The following NSUN4 variants were observed in gnomAD, a reference collection of about 807,000 sequenced individuals.
The protein encoded by NSUN4 is 5-cytosine rRNA methyltransferase NSUN4.
NSUN4 carries 31 observed loss-of-function variants against 43.8 expected under a neutral mutation model. The observed-to-expected ratio is 0.71, with a 90% CI of 0.53 to 0.96. NSUN4 has a LOEUF of 0.96. Among genes scored for constraint, NSUN4 ranks in the 40% least tolerant of loss-of-function variants. NSUN4 has a pLI of 0.00. For synonymous variants in NSUN4, 167 were observed against 184.1 expected, an observed-to-expected ratio of 0.91 and a Z score of 0.75; for missense variants, 439 against 475.6, an observed-to-expected ratio of 0.92 and a Z score of 0.72.
chr1:46,383,453 T>G, the NSUN4 span, among the ~76,000 whole-genome samples: 43 of 146,904 alleles, frequency 2.9e-4, no homozygotes, highest in African/African-American at 1.1e-3. Context: ...CTGGTGTTTT[T>G]TTTTTTTTTT....
chr1:46,366,806 C>A (rs1304554375), downstream of NSUN4, among the ~76,000 whole-genome samples: 1 of 151,300 alleles, frequency 6.6e-6, no homozygotes, highest in Non-Finnish European at 1.5e-5. Flanking sequence ...ATTGAGAGAC[C>A]TGGAAGCTTA....
At chr1:46,374,850 T>C in the NSUN4 span, among the ~76,000 whole-genome samples, 1 of 151,014 alleles carries the variant, frequency 6.6e-6, no homozygotes. Context: ...ATCATGCCAC[T>C]ATACTCCAGC....
the NSUN4 span, among the ~76,000 whole-genome samples, chr1:46,383,483 T>G: frequency 7.5e-6 from 1 of 133,986 alleles, no homozygotes; most frequent in East Asian, 2.1e-4. Flanking sequence ...CGAGATGGAG[T>G]CTCGCTCTGT....
the NSUN4 span, among the ~76,000 whole-genome samples, chr1:46,382,440 C>T: frequency 1.3e-5 from 2 of 152,178 alleles, no homozygotes; most frequent in Admixed American, 6.5e-5. Flanking sequence ...CTCTGGCTTC[C>T]GGCTTCCCAG....
At chr1:46,376,239 C>G in the NSUN4 span, among the ~76,000 whole-genome samples, 52 of 150,776 alleles carry the variant, frequency 3.4e-4, no homozygotes, top group Non-Finnish European at 7.1e-4. Flanking sequence ...GAAACTCCGT[C>G]TCTACTAAAA....
At chr1:46,383,549 G>A in the NSUN4 span, among the ~76,000 whole-genome samples, 2 of 146,040 alleles carry the variant, frequency 1.4e-5, no homozygotes, top group Non-Finnish European at 1.5e-5. Flanking sequence ...TCCGCCTCCC[G>A]GGTTCACGCC....
chr1:46,345,339 A>G (rs1027737876), intron 2 of NSUN4, 195 bp downstream of exon 2: 1 of 540,598 alleles, frequency 1.8e-6, no homozygotes, highest in Non-Finnish European at 3.3e-6. Flanking sequence ...CTTATGAAGT[A>G]GGTAATATTA....
intron 1 of NSUN4, chr1:46,341,430 C>T: frequency 9.9e-7 from 1 of 1,008,034 alleles, no homozygotes; most frequent in Non-Finnish European, 1.2e-6. Flanking sequence ...CCTCGAGCTG[C>T]CTCTGGCGAC....
At chr1:46,383,251 G>C in the NSUN4 span, among the ~76,000 whole-genome samples, 2 of 152,196 alleles carry the variant, frequency 1.3e-5, no homozygotes, top group Non-Finnish European at 2.9e-5. Flanking sequence ...GGAGGGGCAG[G>C]GGGTGGACGC....
the NSUN4 span, among the ~76,000 whole-genome samples, chr1:46,382,998 G>A: frequency 6.6e-6 from 1 of 152,224 alleles, no homozygotes; most frequent in Non-Finnish European, 1.5e-5. Flanking sequence ...GAACCTGTGT[G>A]TGTGTGTCTG....
intron 4 of NSUN4, among the ~76,000 whole-genome samples, chr1:46,356,463 C>T (rs1047003556): frequency 4.6e-5 from 7 of 152,118 alleles, no homozygotes; most frequent in Non-Finnish European, 1.0e-4. Flanking sequence ...GAGGCCAAGG[C>T]GGGCGGATCA....
chr1:46,361,504 C>A, intron 5 of NSUN4, 66 bp from the exon 6 acceptor site: 2 of 1,467,030 alleles, frequency 1.4e-6, no homozygotes, highest in Admixed American at 1.8e-5. Flanking sequence ...GTTTCCAGCT[C>A]CTTATGTTGC....
the NSUN4 span, among the ~76,000 whole-genome samples, chr1:46,382,763 A>C: frequency 6.6e-6 from 1 of 152,098 alleles, no homozygotes; most frequent in Non-Finnish European, 1.5e-5. Flanking sequence ...CAAAATGCCC[A>C]GCTAATTTTT....
chr1:46,353,546 T>C (rs1460390588), intron 4 of NSUN4, among the ~76,000 whole-genome samples: 1 of 151,944 alleles, frequency 6.6e-6, no homozygotes, highest in African/African-American at 2.4e-5. Context: ...GCGCGATCTC[T>C]GCTCACTGCA....
intron 1 of NSUN4, chr1:46,341,840 C>G: frequency 8.1e-7 from 1 of 1,232,838 alleles, no homozygotes; most frequent in Non-Finnish European, 1.0e-6. Context: ...TGAGTCCCTC[C>G]AGAATGCGGC....
chr1:46,381,590 T>G, the NSUN4 span, among the ~76,000 whole-genome samples: 1 of 152,204 alleles, frequency 6.6e-6, no homozygotes, highest in East Asian at 1.9e-4. Context: ...TTGGCCCTAC[T>G]CACAACAGGT....
chr1:46,372,029 A>G, the NSUN4 span, among the ~76,000 whole-genome samples: 1 of 152,020 alleles, frequency 6.6e-6, no homozygotes, highest in Non-Finnish European at 1.5e-5. Context: ...TCCAAACTCT[A>G]TCAGAGTCCT....
At chr1:46,350,984 T>C (rs1040388992) in intron 3 of NSUN4, among the ~76,000 whole-genome samples, 2 of 152,244 alleles carry the variant, frequency 1.3e-5, no homozygotes, top group African/African-American at 4.8e-5. Context: ...TATGTCAGCC[T>C]TTTAAAAATA....
the NSUN4 span, among the ~76,000 whole-genome samples, chr1:46,379,757 G>C: frequency 3.9e-5 from 6 of 152,198 alleles, no homozygotes; most frequent in African/African-American, 1.4e-4. Context: ...GGTGTCTGGG[G>C]AAGGCTTGCT....
Sources: gnomAD v4.1 joint callset for allele counts (sites outside exome capture counted in the v4.1 genomes callset) on GRCh38, gnomAD v4.1.1 for gene constraint, MANE v1.5 for transcripts, NCBI Gene and HGNC (gene_info 2026-07-23, HGNC 2026-07-21) for gene names.